The following PRSS12 variants were observed in gnomAD, a reference collection of about 807,000 sequenced individuals.
PRSS12 encodes neurotrypsin.
PRSS12 carries 85 observed loss-of-function variants against 104.4 expected under a neutral mutation model. The observed-to-expected ratio is 0.81, with a 90% confidence interval of 0.68 to 0.98. The LOEUF (loss-of-function observed/expected upper bound fraction) is 0.98. Ranked by LOEUF, PRSS12 falls within the 50% of genes least tolerant of loss-of-function variation. The probability of loss-of-function intolerance (pLI) is 0.00; values close to 1 mark genes in which losing one functional copy is unlikely to be tolerated. For missense variants in PRSS12, 1,141 were observed against 1,139.2 expected (o/e 1.00, Z -0.02); for synonymous variants, 454 against 425.2 (o/e 1.07, Z -0.83).
At chr4:118,334,006 T>C (rs1312986294) in intron 3 of PRSS12, among the ~76,000 whole-genome samples, 2 of 152,198 alleles carry the variant, frequency 1.3e-5, no homozygotes, top group African/African-American at 4.8e-5. Context: ...CTTTGAAATG[T>C]TGGAAAAGCT....
intron 5 of PRSS12, among the ~76,000 whole-genome samples, chr4:118,317,416 G>A (rs1159365379): frequency 1.3e-5 from 2 of 151,990 alleles, no homozygotes; most frequent in Admixed American, 1.3e-4. Context: ...AAATCTCAGG[G>A]ATCTTTTAAA....
intron 11 of PRSS12, among the ~76,000 whole-genome samples, chr4:118,283,862 G>A (rs77399795): frequency 0.02 from 3,114 of 152,062 alleles, 40 homozygotes; most frequent in South Asian, 0.034. Flanking sequence ...AGCTATTCCA[G>A]GTCAGAGATA....
Position 118,352,946 on chromosome 4 carries a change from A to C in PRSS12, c.-226T>G, listed in dbSNP as rs1433967944. 2 of 1,170,832 alleles carry C rather than the reference A, an allele frequency of 1.7e-6. No individual in the cohort carries two copies. Among genetic ancestry groups the C allele is most frequent in the Non-Finnish European group, 2.2e-6 (2 of 890,064 alleles). 72.5% of individuals were successfully genotyped at this position (1,170,832 alleles called of 1,614,324 possible). ...GGCGGCCGCGGGTGGGGAAATCTGGAGCTCAGCCGAGCCCCGGCCGGCGGA... is the reference window on the plus strand; with the variant it reads ...GGCGGCCGCGGGTGGGGAAATCTGGCGCTCAGCCGAGCCCCGGCCGGCGGA... On this transcript the variant is annotated 5_prime_UTR_variant, in exon 1 of 13. Coordinates refer to ENST00000296498, the MANE Select transcript of PRSS12 (RefSeq NM_003619.4).
chr4:118,318,628 CT>C lies in PRSS12; in HGVS notation c.972-73del. ...TTGGTCTTTTATTTTTTTTTTGTCC[CT>C]AGTAAAAGCATTATTATTAATCCCC... is the stretch of plus-strand genomic sequence containing the variant. On this transcript the variant is annotated intron_variant, in intron 4 of 12. Coordinates refer to ENST00000296498, the MANE Select transcript of PRSS12 (RefSeq NM_003619.4). 2.1e-6 allele frequency: 3 copies of C among 1,446,762 alleles called. 1 individual carries two copies. In the East Asian group the frequency reaches 7.3e-5, roughly 35 times the overall value. 89.6% of individuals were successfully genotyped at this position (1,446,762 alleles called of 1,614,324 possible).
intron 2 of PRSS12, among the ~76,000 whole-genome samples, 168 bp from the exon 3 acceptor site, chr4:118,335,819 A>C (rs17049755): frequency 0.021 from 3,163 of 152,348 alleles, 108 homozygotes; most frequent in African/African-American, 0.072. Context: ...AGGAAATCAA[A>C]ACATCAGATC....
At chr4:118,285,359 C>G (rs1254879897) in intron 11 of PRSS12, among the ~76,000 whole-genome samples, 1 of 152,162 alleles carries the variant, frequency 6.6e-6, no homozygotes, top group Non-Finnish European at 1.5e-5. Context: ...CTTCTACTTT[C>G]TGTGTGCTAG....
At chr4:118,305,933 A>G (rs1413068622) in intron 8 of PRSS12, 2 of 152,170 alleles carry the variant, frequency 1.3e-5, no homozygotes, top group African/African-American at 4.8e-5. Flanking sequence ...ATATATATAT[A>G]CACATACATA....
At chr4:118,305,421 GT>G (rs1743522794) in intron 8 of PRSS12, among the ~76,000 whole-genome samples, 1 of 151,950 alleles carries the variant, frequency 6.6e-6, no homozygotes, top group Non-Finnish European at 1.5e-5. Flanking sequence ...AACAAACTTT[GT>G]TCACTTAATC....
intron 7 of PRSS12, among the ~76,000 whole-genome samples, chr4:118,312,717 C>A (rs1743777563): frequency 6.6e-6 from 1 of 152,028 alleles, no homozygotes; most frequent in Admixed American, 6.6e-5. Context: ...ACTTAGAAGA[C>A]CACTGAGACA....
intron 1 of PRSS12, among the ~76,000 whole-genome samples, chr4:118,343,650 G>A (rs1043172198): frequency 1.3e-5 from 2 of 152,156 alleles, no homozygotes; most frequent in Admixed American, 6.5e-5. Context: ...CCAGCTACTT[G>A]GGAGGCTGAG....
chr4:118,344,373 G>A (rs1487492255), intron 1 of PRSS12, among the ~76,000 whole-genome samples: 1 of 152,066 alleles, frequency 6.6e-6, no homozygotes, highest in Non-Finnish European at 1.5e-5. Flanking sequence ...AGTAGGGGAT[G>A]CTAGGTTAAT....
chr4:118,286,628 G>A (rs374922796), intron 11 of PRSS12, among the ~76,000 whole-genome samples: 2 of 152,082 alleles, frequency 1.3e-5, no homozygotes, highest in South Asian at 2.1e-4. Context: ...CAGAGAAAGC[G>A]CTTAATAAAT....
chr4:118,318,389 G>A lies in PRSS12; in HGVS notation c.1139C>T (p.Thr380Ile), dbSNP rs1578922198. Residue 380 changes from threonine to isoleucine, a missense_variant, in exon 5 of 13, where the codon ACC (threonine) becomes ATC (isoleucine). Coordinates refer to ENST00000296498, the MANE Select transcript of PRSS12 (RefSeq NM_003619.4). Reference sequence around the variant, plus strand: ...AGTGAAATCCTTACCTGTTAGAGGGGTACAGGACACTCCAGCATCTTCTTT... The same window carrying A: ...AGTGAAATCCTTACCTGTTAGAGGGATACAGGACACTCCAGCATCTTCTTT... ...GHKEDAGVSC[T>I]PLTDGVIRLA... The A allele has an allele frequency of 1.9e-6, 3 of 1,614,012 alleles. No homozygotes were observed. Among genetic ancestry groups the A allele is most frequent in the East Asian group, 4.5e-5 (2 of 44,878 alleles).
chr4:118,339,539 T>C (rs991032383), intron 1 of PRSS12, among the ~76,000 whole-genome samples: 10 of 152,178 alleles, frequency 6.6e-5, no homozygotes, highest in African/African-American at 1.2e-4. Context: ...AAAGTCTCAT[T>C]TAATTCAAAC....
chr4:118,310,707 C>A (rs969141019), intron 7 of PRSS12, among the ~76,000 whole-genome samples: 1 of 152,088 alleles, frequency 6.6e-6, no homozygotes, highest in Non-Finnish European at 1.5e-5. Flanking sequence ...TAAAATACTA[C>A]TGTCTTTTAG....
chr4:118,350,001 CA>C, intron 1 of PRSS12, among the ~76,000 whole-genome samples: 1 of 151,832 alleles, frequency 6.6e-6, no homozygotes, highest in South Asian at 2.1e-4. Flanking sequence ...AGACCCTTGT[CA>C]AAAAATAAAT....
At chr4:118,321,338 A>G (rs1476299999) in intron 4 of PRSS12, among the ~76,000 whole-genome samples, 3 of 152,214 alleles carry the variant, frequency 2.0e-5, no homozygotes. Flanking sequence ...TGCACTAATC[A>G]TGTATAAATA....
intron 8 of PRSS12, among the ~76,000 whole-genome samples, chr4:118,301,857 G>C (rs187271931): frequency 6.6e-6 from 1 of 152,036 alleles, no homozygotes; most frequent in East Asian, 1.9e-4. Flanking sequence ...TGATTCTCTT[G>C]GGTTTTCTAG....
At position 118,326,514 on chromosome 4, in the gene PRSS12, T is replaced by G. The variant is rs112661703; in HGVS notation, c.971+5202A>C. Among the ~76,000 whole-genome samples the G allele has an allele frequency of 9.8e-3, 1,498 of 152,322 alleles. 23 individuals carry two copies. The highest frequency in any genetic ancestry group is 0.034 in the African/African-American group (1,418 of 41,560). On this transcript the variant is annotated intron_variant, in intron 4 of 12. Transcript: ENST00000296498. ...CTGACTACAGAGCAGACCGAAACAC[T>G]GAGCATTCTTGCAGCCTCCTGGAAC... is the stretch of plus-strand genomic sequence containing the variant.
Sources: allele counts gnomAD v4.1 joint callset (sites outside exome capture counted in the v4.1 genomes callset), GRCh38; gene constraint gnomAD v4.1.1; transcripts MANE v1.5; gene names NCBI Gene and HGNC (gene_info 2026-07-23, HGNC 2026-07-21).